PEPD: variants seen among roughly 807,000 people sequenced by gnomAD.
PEPD encodes xaa-Pro dipeptidase.
A neutral mutation model predicts 60.7 loss-of-function variants in PEPD; 53 were observed. The ratio of observed to expected loss-of-function variants is 0.87; its 90% CI spans 0.70 to 1.10. The LOEUF (loss-of-function observed/expected upper bound fraction) is 1.10. PEPD is among the 50% of genes least tolerant of loss of function. The pLI is 0.00. For missense variants in PEPD, 711 were observed against 711.9 expected (o/e 1.00, Z 0.01); for synonymous variants, 267 against 284.1 (o/e 0.94, Z 0.60).
intron 1 of PEPD, among the ~76,000 whole-genome samples, chr19:33,516,072 G>A (rs772722378): frequency 1.3e-4 from 19 of 151,716 alleles, no homozygotes; most frequent in Non-Finnish European, 7.4e-5. Flanking sequence ...GCAGGGCTCT[G>A]AGCATAAGAA....
intron 1 of PEPD, among the ~76,000 whole-genome samples, chr19:33,514,203 G>A (rs1409101693): frequency 6.6e-6 from 1 of 152,166 alleles, no homozygotes; most frequent in Non-Finnish European, 1.5e-5. Context: ...CTCCAGCCAG[G>A]GGGCAGTGGG....
intron 9 of PEPD, among the ~76,000 whole-genome samples, chr19:33,433,797 G>A (rs1001342688): frequency 6.6e-6 from 1 of 152,236 alleles, no homozygotes; most frequent in Non-Finnish European, 1.5e-5. Flanking sequence ...CTCTGGAGAT[G>A]TCTGTAAATC....
chr19:33,466,337 C>A (rs1970016228), intron 7 of PEPD, among the ~76,000 whole-genome samples: 1 of 152,148 alleles, frequency 6.6e-6, no homozygotes. Context: ...CTCTCCAGGT[C>A]AAGGGGGAAA....
intron 9 of PEPD, among the ~76,000 whole-genome samples, chr19:33,424,662 A>G (rs540982923): frequency 4.6e-5 from 7 of 152,278 alleles, no homozygotes; most frequent in Admixed American, 3.3e-4. Flanking sequence ...CAATCTAGTG[A>G]GACCCGGTAT....
At chr19:33,465,793 C>A (rs1479890922) in intron 7 of PEPD, among the ~76,000 whole-genome samples, 2 of 152,032 alleles carry the variant, frequency 1.3e-5, no homozygotes, top group South Asian at 2.1e-4. Flanking sequence ...TTACACTCAC[C>A]CCCTTTTTGT....
At chr19:33,434,290 C>T (rs1600111485) in intron 9 of PEPD, among the ~76,000 whole-genome samples, 1 of 152,202 alleles carries the variant, frequency 6.6e-6, no homozygotes. Context: ...TCCTCCCCCA[C>T]CTCATGTGTC....
intron 14 of PEPD, 104 bp from the exon 15 acceptor site, chr19:33,387,585 T>G: frequency 6.9e-7 from 1 of 1,445,112 alleles, no homozygotes; most frequent in Non-Finnish European, 9.6e-7. Context: ...TGGGAGCAGC[T>G]GACACTCCCT....
At chr19:33,492,623 G>C (rs1168460833) in intron 5 of PEPD, among the ~76,000 whole-genome samples, 1 of 152,170 alleles carries the variant, frequency 6.6e-6, no homozygotes, top group Non-Finnish European at 1.5e-5. Context: ...TCAAATACCA[G>C]ATCTGATTTG....
intron 9 of PEPD, among the ~76,000 whole-genome samples, chr19:33,456,150 G>A (rs779017066): frequency 1.3e-5 from 2 of 152,088 alleles, no homozygotes; most frequent in African/African-American, 2.4e-5. Flanking sequence ...GCCTGACCCC[G>A]CTGAGAGCCC....
rs200871513 is a variant in PEPD at position 33,413,612 on chromosome 19, C to A, written c.703G>T (p.Gly235Cys). 6.3e-7 allele frequency: 1 copy of A among 1,588,646 alleles called. No homozygotes were observed. Among genetic ancestry groups the A allele is most frequent in the East Asian group, 2.3e-5 (1 of 43,722 alleles). ...CAGGTGTAGGAGCTGTGGCGCATGC[C>A]GCCCCGGGAGTAGCAGTAGTGCTCG... The part of the protein sequence containing the change: ...LFEHYCYSRG[G>C]MRHSSYTCIC... Residue 235 changes from glycine (G) to cysteine (C), a missense_variant, in exon 10 of 15, where the codon GGC becomes TGC. Physicochemically the swap from Gly to Cys is radical, Grantham distance 159. Coordinates refer to ENST00000244137, the MANE Select transcript of PEPD (RefSeq NM_000285.4).
intron 9 of PEPD, among the ~76,000 whole-genome samples, chr19:33,417,197 C>T (rs993644888): frequency 2.6e-5 from 4 of 152,244 alleles, no homozygotes; most frequent in Non-Finnish European, 5.9e-5. Flanking sequence ...GTTAGTGAGG[C>T]AGTGTAAGGG....
At chr19:33,409,305 G>A (rs968195556) in intron 11 of PEPD, among the ~76,000 whole-genome samples, 9 of 152,262 alleles carry the variant, frequency 5.9e-5, no homozygotes, top group Non-Finnish European at 8.8e-5. Flanking sequence ...GGCCTCTGCC[G>A]TGAGACTGGG....
chr19:33,476,623 A>G (rs1324695479), intron 7 of PEPD, among the ~76,000 whole-genome samples: 1 of 151,908 alleles, frequency 6.6e-6, no homozygotes, highest in Non-Finnish European at 1.5e-5. Flanking sequence ...CACTTGCCCT[A>G]CAGCTGGGTC....
intron 9 of PEPD, among the ~76,000 whole-genome samples, chr19:33,457,988 T>A (rs1368616469): frequency 1.3e-5 from 2 of 151,960 alleles, no homozygotes; most frequent in African/African-American, 2.4e-5. Context: ...TCTGTATGGG[T>A]TGGGGGGCGG....
chr19:33,388,301 C>G (rs533961344), intron 13 of PEPD: 11,317 of 690,786 alleles, frequency 0.016, 144 homozygotes, highest in Non-Finnish European at 0.024. Context: ...CCTGGCCACA[C>G]TACCCTAGGG....
chr19:33,396,719 A>G (rs1600080925), intron 12 of PEPD, among the ~76,000 whole-genome samples: 1 of 133,186 alleles, frequency 7.5e-6, no homozygotes, highest in Non-Finnish European at 1.6e-5. Flanking sequence ...TGGGGGGGTG[A>G]GGAGAGAGGG....
intron 9 of PEPD, among the ~76,000 whole-genome samples, chr19:33,450,337 T>G (rs1390362696): frequency 1.3e-5 from 2 of 152,176 alleles, no homozygotes; most frequent in Non-Finnish European, 2.9e-5. Context: ...AGAAAGGCAG[T>G]GAGACAGATC....
intron 11 of PEPD, among the ~76,000 whole-genome samples, chr19:33,402,323 A>G (rs1015123605): frequency 6.6e-6 from 1 of 152,218 alleles, no homozygotes; most frequent in African/African-American, 2.4e-5. Context: ...CACAGAGCAC[A>G]GGCTGAGGCC....
rs140698064 is a variant in PEPD at position 33,405,161 on chromosome 19, G to A, written c.819-3292C>T. Among the ~76,000 whole-genome samples the A allele has an allele frequency of 7.8e-3, 1,191 of 152,314 alleles. 17 individuals are homozygous for A. The highest frequency in any genetic ancestry group is 0.026 in the African/African-American group (1,095 of 41,562). ...ATGTGTTCTGAGGGCTCTGTTTCTGGCTCCTTCTGGGTAGCTTTGGGCCTG... is the reference window on the plus strand; with the variant it reads ...ATGTGTTCTGAGGGCTCTGTTTCTGACTCCTTCTGGGTAGCTTTGGGCCTG... On this transcript the variant is annotated intron_variant, in intron 11 of 14. Transcript: ENST00000244137.
Sources: gnomAD v4.1 joint callset for allele counts (sites outside exome capture counted in the v4.1 genomes callset) on GRCh38, gnomAD v4.1.1 for gene constraint, MANE v1.5 for transcripts, NCBI Gene and HGNC (gene_info 2026-07-23, HGNC 2026-07-21) for gene names.